EVC2: variants seen among roughly 807,000 people sequenced by gnomAD.
EVC2 encodes the protein EvC ciliary complex subunit 2, also known as limbin.
A neutral mutation model predicts 149.3 loss-of-function variants in EVC2; 148 were observed. The ratio of observed to expected loss-of-function variants is 0.99; its 90% CI spans 0.87 to 1.14. EVC2 has a LOEUF of 1.14. Among genes scored for constraint, EVC2 ranks in the 50% most tolerant of loss-of-function variants. The pLI is 0.00. For missense variants in EVC2, 1,854 were observed against 1,627.3 expected (o/e 1.14, Z -2.40); for synonymous variants, 776 against 649.9 (o/e 1.19, Z -2.95).
intron 6 of EVC2, among the ~76,000 whole-genome samples, chr4:5,682,604 A>T (rs962990460): frequency 6.6e-6 from 1 of 151,756 alleles, no homozygotes; most frequent in African/African-American, 2.4e-5. Context: ...CACACTTGTA[A>T]TCTCAGCACT....
intron 16 of EVC2, among the ~76,000 whole-genome samples, chr4:5,612,980 C>T (rs902925972): frequency 5.5e-5 from 8 of 145,442 alleles, no homozygotes; most frequent in Non-Finnish European, 1.2e-4. Context: ...CAGGAGGAGA[C>T]GAGGTAGGGG....
chr4:5,548,936 C>CCCTTCCTT (rs796701936), intron 21 of EVC2, among the ~76,000 whole-genome samples: 1 of 132,396 alleles, frequency 7.6e-6, no homozygotes, highest in African/African-American at 2.7e-5. Context: ...AAAACAAGAG[C>CCCTTCCTT]CCTTCCTTCC....
chr4:5,704,315 A>G (rs1223323992), intron 1 of EVC2, among the ~76,000 whole-genome samples: 2 of 152,142 alleles, frequency 1.3e-5, no homozygotes, highest in Non-Finnish European at 2.9e-5. Flanking sequence ...ATGCTGACTA[A>G]ATGTGGGGCT....
chr4:5,553,385 C>T (rs1211565523), intron 21 of EVC2, among the ~76,000 whole-genome samples: 1 of 152,166 alleles, frequency 6.6e-6, no homozygotes, highest in Admixed American at 6.5e-5. Flanking sequence ...GGCCCCACCT[C>T]CAACATTGAG....
At chr4:5,627,533 G>A (rs1159689418) in intron 12 of EVC2, among the ~76,000 whole-genome samples, 3 of 152,126 alleles carry the variant, frequency 2.0e-5, no homozygotes, top group Non-Finnish European at 2.9e-5. Flanking sequence ...ACCTAGTAGC[G>A]GAACCACAGT....
intron 17 of EVC2, among the ~76,000 whole-genome samples, chr4:5,577,873 T>G (rs1295967358): frequency 6.6e-6 from 1 of 152,072 alleles, no homozygotes; most frequent in Admixed American, 6.5e-5. Context: ...TGTCATGCTG[T>G]CAGCATGGCC....
Position 5,632,031 on chromosome 4 carries a change from G to A in EVC2, c.1472C>T (p.Ser491Phe), listed in dbSNP as rs1444216093. Residue 491 changes from serine to phenylalanine, a missense_variant and splice_region_variant, in exon 11 of 22, where the codon TCT (serine) becomes TTT (phenylalanine). Physicochemically the swap from Ser to Phe is radical, Grantham distance 155. Coordinates refer to ENST00000344408, the MANE Select transcript of EVC2 (RefSeq NM_147127.5). ...CAGAAGGTTGCTGCACTCTACAGCA[G>A]ACTGGAGAGAGGAAAGGGAGAGCGT... is the stretch of plus-strand genomic sequence containing the variant. The part of the protein sequence containing the change: ...EELLKRAGER[S>F]AVECSNLLRT... The A allele has an allele frequency of 6.2e-7, 1 of 1,613,864 alleles. No individual in the cohort carries two copies. The highest frequency in any genetic ancestry group is 2.2e-5 in the East Asian group (1 of 44,890).
chr4:5,618,764 G>T lies in EVC2; in HGVS notation c.2502-82C>A. 7.7e-7 allele frequency: 1 copy of T among 1,301,052 alleles called. No individual in the cohort carries two copies. 80.6% of individuals were successfully genotyped at this position (1,301,052 alleles called of 1,614,324 possible). A position where few individuals can be genotyped will look rare whatever the true frequency, so the allele number is the denominator to read the frequency against. On this transcript the variant is annotated intron_variant, in intron 14 of 21. Transcript: ENST00000344408. This position sits in a 1 kb window ranked among gnomAD's most constrained non-coding sequence, Gnocchi z 4.4. ...GGGGTGAAGAAGCCAGAGATGCAAA[G>T]CTCATTCCTCATATCCATGTCTGCA...
chr4:5,585,860 A>G (rs963253372), intron 16 of EVC2, among the ~76,000 whole-genome samples: 1 of 151,282 alleles, frequency 6.6e-6, no homozygotes, highest in African/African-American at 2.4e-5. Flanking sequence ...TAGCTGTTGT[A>G]TTTTATTTTA....
intron 12 of EVC2, 56 bp downstream of exon 12, chr4:5,628,503 A>G: frequency 6.4e-7 from 1 of 1,574,196 alleles, no homozygotes; most frequent in Non-Finnish European, 8.7e-7. Flanking sequence ...ATTCTGTCAT[A>G]GCAGCAGAAA....
Position 5,696,140 on chromosome 4 carries a change from G to A in EVC2, c.283+1453C>T, listed in dbSNP as rs568249466. 4.6e-5 allele frequency among the ~76,000 whole-genome samples: 7 copies of A among 152,272 alleles called. No individual in the cohort carries two copies. The highest frequency in any genetic ancestry group is 2.1e-4 in the South Asian group (1 of 4,824). The stretch of plus-strand genomic sequence containing the variant: ...CAAGTGAGACCGGACATCCATCTCC[G>A]GACCCCAGCACAGCACCCTGGGCCA... On this transcript the variant is annotated intron_variant, in intron 2 of 21. Coordinates refer to ENST00000344408, the MANE Select transcript of EVC2 (RefSeq NM_147127.5). This position sits in a 1 kb window ranked among gnomAD's most constrained non-coding sequence, Gnocchi z 4.1.
intron 4 of EVC2, among the ~76,000 whole-genome samples, chr4:5,690,740 G>A (rs941060795): frequency 1.3e-5 from 2 of 152,178 alleles, no homozygotes; most frequent in African/African-American, 4.8e-5. Flanking sequence ...CCTGGGCTCT[G>A]CGACATTCAC....
At chr4:5,541,545 C>T (rs530343777), downstream of EVC2, among the ~76,000 whole-genome samples, 162 of 152,284 alleles carry the variant, frequency 1.1e-3, no homozygotes, top group African/African-American at 3.6e-3. Flanking sequence ...CCTTTCCCTC[C>T]GTACATGTTT....
At chr4:5,635,067 C>T (rs1577187685) in intron 10 of EVC2, among the ~76,000 whole-genome samples, 1 of 115,478 alleles carries the variant, frequency 8.7e-6, no homozygotes, top group African/African-American at 3.3e-5. Flanking sequence ...GACAGAGTCT[C>T]ACTCTTTCGC....
At chr4:5,655,605 A>G (rs559875138) in intron 9 of EVC2, among the ~76,000 whole-genome samples, 7 of 152,182 alleles carry the variant, frequency 4.6e-5, no homozygotes, top group Admixed American at 2.6e-4. Flanking sequence ...GGCCTGCACC[A>G]CCCAAGGGAC....
At chr4:5,706,329 G>GATAGATAGATAGATAA (rs1722137543) in intron 1 of EVC2, among the ~76,000 whole-genome samples, 2 of 86,856 alleles carry the variant, frequency 2.3e-5, no homozygotes, top group African/African-American at 9.0e-5. Context: ...TACATAGATA[G>GATAGATAGATAGATAA]ATAGATAGAT....
intron 21 of EVC2, among the ~76,000 whole-genome samples, chr4:5,555,504 C>T (rs1268693500): frequency 6.6e-6 from 1 of 152,080 alleles, no homozygotes; most frequent in Non-Finnish European, 1.5e-5. Flanking sequence ...GCTGGGATAG[C>T]TGTATTGCTT....
intron 15 of EVC2, among the ~76,000 whole-genome samples, chr4:5,615,936 G>A (rs529231899): frequency 7.2e-5 from 11 of 151,982 alleles, no homozygotes; most frequent in African/African-American, 1.5e-4. Flanking sequence ...CCATGACAGC[G>A]GAGAAAACAG....
rs1261343432 is a variant in EVC2, at chr4:5,670,743, C to G, written c.871-5094G>C. On this transcript the variant is annotated intron_variant, in intron 7 of 21. Coordinates refer to ENST00000344408, the MANE Select transcript of EVC2 (RefSeq NM_147127.5). This position sits in a 1 kb window ranked among gnomAD's most constrained non-coding sequence, Gnocchi z 5.2. ...TCACCATCATCTTCACCATCACCAT[C>G]AACGCCATCATCAGCAGCATCGCCA... Among the ~76,000 whole-genome samples the G allele has an allele frequency of 1.3e-5, 2 of 151,862 alleles. No individual in the cohort carries two copies. The highest frequency in any genetic ancestry group is 2.4e-5 in the African/African-American group (1 of 41,188).
Sources: gnomAD v4.1 joint callset for allele counts (sites outside exome capture counted in the v4.1 genomes callset) on GRCh38, gnomAD v4.1.1 for gene constraint, Gnocchi (gnomAD v3.1) non-coding constraint, MANE v1.5 for transcripts, NCBI Gene and HGNC (gene_info 2026-07-23, HGNC 2026-07-21) for gene names.